BOD1: variants seen among roughly 807,000 people sequenced by gnomAD.
BOD1 encodes the protein biorientation of chromosomes in cell division 1.
BOD1 carries 11 observed loss-of-function variants against 15.7 expected under a neutral mutation model. The ratio of observed to expected loss-of-function variants is 0.70; its 90% CI spans 0.44 to 1.16. The LOEUF is 1.16. BOD1 is among the 50% of genes most tolerant of loss of function. BOD1 has a pLI of 0.00. For missense variants in BOD1, 182 were observed against 244.5 expected (o/e 0.74, Z 1.70); for synonymous variants, 105 against 103.5 (o/e 1.01, Z -0.09).
intron 3 of BOD1, 71 bp downstream of exon 3, chr5:173,609,167 C>G: frequency 7.0e-7 from 1 of 1,427,668 alleles, no homozygotes; most frequent in Admixed American, 2.2e-5. Flanking sequence ...ACGGCCTACC[C>G]CATTCCTATC....
At position 173,613,164 on chromosome 5, in the gene BOD1, T is replaced by C; in HGVS notation, c.329A>G (p.Gln110Arg). Residue 110 changes from glutamine (Q) to arginine (R), a missense_variant, in exon 2 of 4, where the codon CAG becomes CGG. Physicochemically the swap from Gln to Arg is conservative, Grantham distance 43 (BLOSUM62 1). This residue lies in a region of BOD1 where 70 missense variants were observed against 130.3 expected (regional missense o/e 0.54). Coordinates refer to ENST00000311086, the MANE Select transcript of BOD1 (RefSeq NM_138369.3). ...ACTCTGCCTCAGACCATTTCGCAAC[T>C]GGTTTTTGTTCATCGTAGGATTCCA... is the stretch of plus-strand genomic sequence containing the variant. ...QEWNPTMNKN[Q>R]LRNGLRQSVV... 2 of 1,614,186 alleles carry C rather than the reference T, an allele frequency of 1.2e-6. No homozygotes were observed. Among genetic ancestry groups the C allele is most frequent in the Non-Finnish European group, 1.7e-6 (2 of 1,179,996 alleles).
rs60084715 is a variant in BOD1 at position 173,614,205 on chromosome 5, T to C, written c.238-950A>G. Among the ~76,000 whole-genome samples, 932 of 152,320 alleles carry C rather than the reference T, an allele frequency of 6.1e-3. 9 individuals carry two copies. Among genetic ancestry groups the C allele is most frequent in the African/African-American group, 0.022 (898 of 41,570 alleles). ...TCCTTCCCTGGATTCCGTAAGACAA[T>C]AGATTCTCCCCTTTGCATAAAGCAG... On this transcript the variant is annotated intron_variant, in intron 1 of 3. Transcript: ENST00000311086.
chr5:173,609,422 C>T lies in BOD1; in HGVS notation c.375G>A (p.Leu125=). The T allele has an allele frequency of 6.2e-7, 1 of 1,614,164 alleles. No individual in the cohort carries two copies. Among genetic ancestry groups the T allele is most frequent in the South Asian group, 1.1e-5 (1 of 91,084 alleles). Reference sequence around the variant, plus strand: ...AAATAATCCTGTCTACTCCAGCTTCCAACATCCCTGACCTTGTGGAGACAA... The same window carrying T: ...AAATAATCCTGTCTACTCCAGCTTCTAACATCCCTGACCTTGTGGAGACAA... The part of the protein sequence containing the change: ...LRQSVVQSGM[L]EAGVDRIISQ... Residue 125 remains leucine, a synonymous_variant, in exon 3 of 4, where the codon TTG becomes TTA. Transcript: ENST00000311086.
chr5:173,610,310 G>C (rs1755315480), intron 2 of BOD1, among the ~76,000 whole-genome samples: 1 of 152,160 alleles, frequency 6.6e-6, no homozygotes, highest in South Asian at 2.1e-4. Flanking sequence ...TAAGCCTTCG[G>C]GTAAAAATAG....
chr5:173,613,951 C>T (rs1755425367), intron 1 of BOD1, among the ~76,000 whole-genome samples: 2 of 152,200 alleles, frequency 1.3e-5, no homozygotes, highest in Admixed American at 6.5e-5. Flanking sequence ...GCCTGAGCCA[C>T]GCTAAGACAA....
At position 173,616,480 on chromosome 5, in the gene BOD1, C is replaced by T. The variant is rs763748579; in HGVS notation, c.-44G>A. 3 of 1,554,594 alleles carry T rather than the reference C, an allele frequency of 1.9e-6. No homozygotes were observed. Among genetic ancestry groups the T allele is most frequent in the African/African-American group, 2.8e-5 (2 of 70,480 alleles). ...CAAGGGAGAACGACTATAGCTTCTT[C>T]TCCAGGACAGAAGGCCTAGAACGTG... is the stretch of plus-strand genomic sequence containing the variant. On this transcript the variant is annotated 5_prime_UTR_variant, in exon 1 of 4. Transcript: ENST00000311086.
chr5:173,610,060 C>T (rs543092164), intron 2 of BOD1, among the ~76,000 whole-genome samples: 11 of 152,264 alleles, frequency 7.2e-5, no homozygotes, highest in South Asian at 2.1e-4. Flanking sequence ...ATTACATCCC[C>T]GATCCTTTCT....
chr5:173,611,346 C>T (rs1755346956), intron 2 of BOD1, among the ~76,000 whole-genome samples: 1 of 152,226 alleles, frequency 6.6e-6, no homozygotes, highest in African/African-American at 2.4e-5. Context: ...AGCCAATGCT[C>T]TGAAGGCCTG....
At chr5:173,615,134 GGACA>G (rs756228290) in intron 1 of BOD1, among the ~76,000 whole-genome samples, 101 of 152,306 alleles carry the variant, frequency 6.6e-4, no homozygotes, top group Non-Finnish European at 1.2e-3. Context: ...TTTGTTTCAA[GGACA>G]GACTTCTAGT....
In BOD1 at chr5:173,608,019, C is replaced by T; in HGVS notation, c.*275G>A. On this transcript the variant is annotated 3_prime_UTR_variant, in exon 4 of 4. Transcript: ENST00000311086. ...TATAAAAGTCTGTTTCAGGACAACCCTGGGTTGCTGTAGTGTTTCTCTCTC... is the reference window on the plus strand; with the variant it reads ...TATAAAAGTCTGTTTCAGGACAACCTTGGGTTGCTGTAGTGTTTCTCTCTC... The T allele has an allele frequency of 2.0e-6, 1 of 493,264 alleles. No individual in the cohort carries two copies. Among genetic ancestry groups the T allele is most frequent in the African/African-American group, 2.0e-5 (1 of 50,758 alleles). 30.6% of individuals were successfully genotyped at this position (493,264 alleles called of 1,614,324 possible).
rs542211375 is a variant in BOD1, at chr5:173,613,295, T to C, written c.238-40A>G. 35 of 1,610,406 alleles carry C rather than the reference T, an allele frequency of 2.2e-5. 1 individual carries two copies. The highest frequency in any genetic ancestry group is 1.5e-4 in the African/African-American group (11 of 74,928). ...AGAGGAGGCAAGGTCAGAAGTTATATGCACCAAAGTTTTGAACTTAGTCTC... is the reference window on the plus strand; with the variant it reads ...AGAGGAGGCAAGGTCAGAAGTTATACGCACCAAAGTTTTGAACTTAGTCTC... On this transcript the variant is annotated intron_variant, in intron 1 of 3. Coordinates refer to ENST00000311086, the MANE Select transcript of BOD1 (RefSeq NM_138369.3).
intron 1 of BOD1, among the ~76,000 whole-genome samples, chr5:173,613,585 G>A (rs938357423): frequency 3.9e-5 from 6 of 152,200 alleles, no homozygotes; most frequent in Admixed American, 3.9e-4. Flanking sequence ...AGCCTTCCTA[G>A]CTCAGCTGAA....
intron 1 of BOD1, chr5:173,614,822 C>T (rs976734656): frequency 6.6e-6 from 1 of 152,312 alleles, no homozygotes; most frequent in African/African-American, 2.4e-5. Flanking sequence ...TCCAAGATCC[C>T]CAGTGGGTGC....
At chr5:173,612,990 C>T (rs1755394874) in intron 2 of BOD1, 141 bp downstream of exon 2, 1 of 1,167,812 alleles carries the variant, frequency 8.6e-7, no homozygotes, top group Non-Finnish European at 1.2e-6. Context: ...TTAATTATAA[C>T]AAAAGAGCAG....
At chr5:173,609,538 C>G in intron 2 of BOD1, 104 bp from the exon 3 acceptor site, 2 of 1,188,034 alleles carry the variant, frequency 1.7e-6, no homozygotes, top group South Asian at 2.8e-5. Flanking sequence ...ACCTTCAAAG[C>G]TACAGCCCTT....
At chr5:173,611,015 G>A (rs1439551032) in intron 2 of BOD1, among the ~76,000 whole-genome samples, 4 of 152,138 alleles carry the variant, frequency 2.6e-5, no homozygotes, top group South Asian at 2.1e-4. Flanking sequence ...CCTCCAGAAT[G>A]GTGAGAAGTA....
chr5:173,615,403 T>C (rs1007485690), intron 1 of BOD1, among the ~76,000 whole-genome samples: 1 of 152,206 alleles, frequency 6.6e-6, no homozygotes, highest in Non-Finnish European at 1.5e-5. Flanking sequence ...GTAAGCAAAA[T>C]GTTTCCATGA....
At chr5:173,613,464 T>C (rs149311867) in intron 1 of BOD1, among the ~76,000 whole-genome samples, 105 of 152,276 alleles carry the variant, frequency 6.9e-4, no homozygotes, top group African/African-American at 2.3e-3. Context: ...TGCCAGGCGC[T>C]TTACTTATAT....
At chr5:173,616,145 A>T in intron 1 of BOD1, 55 bp downstream of exon 1, 1 of 1,543,936 alleles carries the variant, frequency 6.5e-7, no homozygotes, top group Non-Finnish European at 8.7e-7. Context: ...CAAAGCTGCC[A>T]CCCGGCGGCC....
Sources: gnomAD v4.1 joint callset for allele counts (sites outside exome capture counted in the v4.1 genomes callset) on GRCh38, gnomAD v4.1.1 for gene constraint, gnomAD v4.1.1 regional missense constraint, MANE v1.5 for transcripts, NCBI Gene and HGNC (gene_info 2026-07-23, HGNC 2026-07-21) for gene names.